PRR5: variants seen among roughly 807,000 people sequenced by gnomAD.
PRR5 encodes proline rich 5.
A neutral mutation model predicts 30.6 loss-of-function variants in PRR5; 25 were observed. The observed-to-expected ratio is 0.82, with a 90% confidence interval of 0.60 to 1.14. The LOEUF (loss-of-function observed/expected upper bound fraction) is 1.14, where lower values mean the gene tolerates loss of function less well. Among genes scored for constraint, PRR5 ranks in the 50% most tolerant of loss-of-function variants. The probability of loss-of-function intolerance (pLI) is 0.00; values close to 1 mark genes in which losing one functional copy is unlikely to be tolerated. For synonymous variants in PRR5, 286 were observed against 247.1 expected (o/e 1.16, Z -1.48); for missense variants, 600 against 547.1 (o/e 1.10, Z -0.96).
upstream of PRR5, among the ~76,000 whole-genome samples, chr22:44,697,299 G>A (rs942907957): frequency 3.3e-5 from 5 of 152,170 alleles, no homozygotes; most frequent in Non-Finnish European, 4.4e-5. Context: ...TCTGCCGTGC[G>A]ACCACCCTGG....
rs1423495915 is a variant in PRR5, at chr22:44,726,588, G to C, written c.276G>C (p.Leu92=). 1 of 1,614,008 alleles carries C rather than the reference G, an allele frequency of 6.2e-7. No individual in the cohort carries two copies. The highest frequency in any genetic ancestry group is 8.5e-7 in the Non-Finnish European group (1 of 1,180,046). The change falls in exon 4 of 8, where the codon CTG becomes CTC. Residue 92 remains leucine (L), a synonymous_variant. Coordinates refer to ENST00000336985, the MANE Select transcript of PRR5 (RefSeq NM_181333.4). ...GTGTTTACCTTCAGAACCAGCTGCT[G>C]ACAAAAGGCATGGTGATCCTTCGGG... ...FFTEYLQNQL[L]TKGMVILRDK...
chr22:44,679,992 C>A, intron 1 of PRR5: 1 of 1,029,370 alleles, frequency 9.7e-7, no homozygotes, highest in Non-Finnish European at 1.4e-6. Context: ...GCGAGAGACC[C>A]ACGGGGAATG....
At chr22:44,722,873 A>G (rs1930146704) in intron 2 of PRR5, among the ~76,000 whole-genome samples, 1 of 152,210 alleles carries the variant, frequency 6.6e-6, no homozygotes, top group Non-Finnish European at 1.5e-5. Context: ...AACTCCAGCC[A>G]GTCCTCTCTT....
chr22:44,676,231 A>G (rs1330613451), upstream of PRR5, among the ~76,000 whole-genome samples: 1 of 151,470 alleles, frequency 6.6e-6, no homozygotes, highest in Non-Finnish European at 1.5e-5. Context: ...TAAAAGTACA[A>G]AAAAAATGAG....
Position 44,731,627 on chromosome 22 carries a change from C to G in PRR5, c.323-103C>G, listed in dbSNP as rs756300871. ...GGGCAGGTGCTGCCAGGGGCCTGAGCCCAGGCCCTCCACTCCCGCATCCTC... is the reference window on the plus strand; with the variant it reads ...GGGCAGGTGCTGCCAGGGGCCTGAGGCCAGGCCCTCCACTCCCGCATCCTC... On this transcript the variant is annotated intron_variant, in intron 4 of 7. Coordinates refer to ENST00000336985, the MANE Select transcript of PRR5 (RefSeq NM_181333.4). 328 of 1,195,882 alleles carry G rather than the reference C, an allele frequency of 2.7e-4. 2 individuals are homozygous for G. Among genetic ancestry groups the G allele is most frequent in the Admixed American group, 3.6e-4 (20 of 55,404 alleles). The allele number at this position is 1,195,882 out of a possible 1,614,324, so 74.1% of individuals were successfully genotyped here.
chr22:44,702,432 G>T lies in PRR5; in HGVS notation c.-43G>T, dbSNP rs1240275590. On this transcript the variant is annotated 5_prime_UTR_variant, in exon 1 of 8. Transcript: ENST00000336985. ...TTGGTGCGGCGTGGCGCAGGGCGCGGCGTGGGGCGCGCGTGGGCGCGGCGC... is the reference window on the plus strand; with the variant it reads ...TTGGTGCGGCGTGGCGCAGGGCGCGTCGTGGGGCGCGCGTGGGCGCGGCGC... 1.6e-6 allele frequency: 2 copies of T among 1,280,112 alleles called. No homozygotes were observed. The highest frequency in any genetic ancestry group is 3.1e-5 in the African/African-American group (2 of 63,656). The allele number at this position is 1,280,112 out of a possible 1,614,324, so 79.3% of individuals were successfully genotyped here.
At chr22:44,716,337 C>G (rs61546860) in intron 2 of PRR5, among the ~76,000 whole-genome samples, 6,312 of 152,264 alleles carry the variant, frequency 0.041, 427 homozygotes, top group African/African-American at 0.14. Flanking sequence ...ATAGCAGGGT[C>G]TTTTTACTGA....
chr22:44,702,465 C>G lies in PRR5; in HGVS notation c.-10C>G, dbSNP rs757180217. ...CGCGCGTGGGCGCGGCGCAGGCGGC[C>G]CGGGTCACCATGAGGACTCTCCGCA... On this transcript the variant is annotated 5_prime_UTR_variant, in exon 1 of 8. Coordinates refer to ENST00000336985, the MANE Select transcript of PRR5 (RefSeq NM_181333.4). The G allele has an allele frequency of 7.2e-7, 1 of 1,380,228 alleles. No homozygotes were observed. Among genetic ancestry groups the G allele is most frequent in the Non-Finnish European group, 9.4e-7 (1 of 1,058,708 alleles). The allele number at this position is 1,380,228 out of a possible 1,614,324, so 85.5% of individuals were successfully genotyped here. A position where few individuals can be genotyped will look rare whatever the true frequency, so the allele number is the denominator to read the frequency against.
chr22:44,680,121 G>A (rs926328943), intron 1 of PRR5, among the ~76,000 whole-genome samples: 2 of 152,220 alleles, frequency 1.3e-5, no homozygotes, highest in African/African-American at 2.4e-5. Flanking sequence ...ACGTTTCTCA[G>A]AATGGAGGGT....
rs919878992 is a variant in PRR5 at position 44,737,523 on chromosome 22, C to A, written c.*276C>A. 4 of 523,564 alleles carry A rather than the reference C, an allele frequency of 7.6e-6. No individual in the cohort carries two copies. Among genetic ancestry groups the A allele is most frequent in the African/African-American group, 7.6e-5 (4 of 52,822 alleles). 32.4% of individuals were successfully genotyped at this position (523,564 alleles called of 1,614,324 possible). On this transcript the variant is annotated 3_prime_UTR_variant, in exon 8 of 8. Transcript: ENST00000336985. ...CCGCTCGCTCCCACGCTCCTCCTGC[C>A]CCAGCCCTCTGGTGTCCACACCTGC...
chr22:44,670,751 G>C (rs949469683), intron 1 of PRR5, among the ~76,000 whole-genome samples: 1 of 152,202 alleles, frequency 6.6e-6, no homozygotes, highest in African/African-American at 2.4e-5. Flanking sequence ...ACACAGAACT[G>C]CCTGGCAGAG....
intron 1 of PRR5, among the ~76,000 whole-genome samples, chr22:44,694,120 G>C (rs554073003): frequency 6.6e-6 from 1 of 152,316 alleles, no homozygotes; most frequent in South Asian, 2.1e-4. Flanking sequence ...GAATACCCAA[G>C]GACGGCCAAG....
upstream of PRR5, among the ~76,000 whole-genome samples, chr22:44,673,165 A>G (rs1923522357): frequency 6.6e-6 from 1 of 152,222 alleles, no homozygotes; most frequent in Admixed American, 6.5e-5. Flanking sequence ...CAGAGACATG[A>G]AGGGAGAGAG....
At chr22:44,698,252 C>T (rs984581940), upstream of PRR5, among the ~76,000 whole-genome samples, 1 of 152,030 alleles carries the variant, frequency 6.6e-6, no homozygotes, top group Non-Finnish European at 1.5e-5. Context: ...TTGATGCCAT[C>T]GGGCCTGGCA....
In PRR5 at chr22:44,702,574, C is replaced by T; in HGVS notation, c.100C>T (p.Gln34Ter). Residue 34 changes from glutamine to a stop codon, truncating the protein, a stop_gained, in exon 1 of 8, where the codon CAG becomes TAG. Coordinates refer to ENST00000336985, the MANE Select transcript of PRR5 (RefSeq NM_181333.4). LOFTEE classifies it high-confidence loss of function. ...AAAADERGTQ[Q>*]RRACANATWN... ...CGCCGCGGACGAGCGGGGCACGCAG[C>T]AGCGCCGGGCCTGCGCCAACGCCAC... 1 of 1,410,056 alleles carries T rather than the reference C, an allele frequency of 7.1e-7. No homozygotes were observed. The highest frequency in any genetic ancestry group is 1.5e-5 in the South Asian group (1 of 66,382). The allele number at this position is 1,410,056 out of a possible 1,614,324, so 87.3% of individuals were successfully genotyped here.
intron 1 of PRR5, among the ~76,000 whole-genome samples, chr22:44,711,295 G>A (rs899889397): frequency 6.6e-6 from 1 of 152,202 alleles, no homozygotes; most frequent in African/African-American, 2.4e-5. Context: ...CCACACAGCT[G>A]CGAGGGAGGG....
At chr22:44,726,830 C>T (rs568125192) in intron 4 of PRR5, among the ~76,000 whole-genome samples, 196 bp downstream of exon 4, 4 of 152,198 alleles carry the variant, frequency 2.6e-5, no homozygotes, top group South Asian at 4.1e-4. Flanking sequence ...AGAGGGTCTG[C>T]CCCCCGAACT....
intron 3 of PRR5, among the ~76,000 whole-genome samples, chr22:44,726,150 G>A (rs1005507616): frequency 1.3e-4 from 20 of 152,334 alleles, no homozygotes; most frequent in Non-Finnish European, 1.9e-4. Flanking sequence ...AGACCACACA[G>A]CGTGGTTCTT....
chr22:44,732,446 TCAGGTCCCCA>T, intron 6 of PRR5, 55 bp downstream of exon 6: 1 of 1,572,230 alleles, frequency 6.4e-7, no homozygotes, highest in Non-Finnish European at 8.6e-7. Context: ...GTAATTGGGC[TCAGGTCCCCA>T]CAGGCAGAGC....
Sources: allele counts gnomAD v4.1 joint callset (sites outside exome capture counted in the v4.1 genomes callset), GRCh38; gene constraint gnomAD v4.1.1; transcripts MANE v1.5; gene names NCBI Gene and HGNC (gene_info 2026-07-23, HGNC 2026-07-21).